VPS13A: variants seen among roughly 807,000 people sequenced by gnomAD.
The protein encoded by VPS13A is vacuolar protein sorting 13 homolog A, also known as intermembrane lipid transfer protein VPS13A.
In VPS13A, 264 loss-of-function variants were observed where a neutral mutation model predicts 390.9. The ratio of observed to expected loss-of-function variants is 0.68; its 90% confidence interval spans 0.61 to 0.75. The LOEUF (loss-of-function observed/expected upper bound fraction) is 0.75, where lower values mean the gene tolerates loss of function less well. Among genes scored for constraint, VPS13A ranks in the 30% least tolerant of loss-of-function variants. The pLI is 0.00. For synonymous variants in VPS13A, 1,231 were observed against 1,227.1 expected (o/e 1.00, Z -0.07); for missense variants, 3,409 against 3,733.9 (o/e 0.91, Z 2.27).
chr9:77,301,693 G>A (rs1828364630), intron 33 of VPS13A, among the ~76,000 whole-genome samples: 1 of 152,160 alleles, frequency 6.6e-6, no homozygotes, highest in Non-Finnish European at 1.5e-5. Flanking sequence ...ATTGTTACTT[G>A]AAGGGGTTCA....
intron 71 of VPS13A, among the ~76,000 whole-genome samples, chr9:77,412,111 C>T (rs1366529552): frequency 2.0e-5 from 3 of 151,952 alleles, no homozygotes; most frequent in Admixed American, 6.6e-5. Flanking sequence ...AATAGCTTAC[C>T]AACCAAAAAA....
At chr9:77,412,154 CTACCAGAGG>C (rs1300869646) in intron 71 of VPS13A, among the ~76,000 whole-genome samples, 1 of 152,186 alleles carries the variant, frequency 6.6e-6, no homozygotes, top group African/African-American at 2.4e-5. Flanking sequence ...CAGCCGAATT[CTACCAGAGG>C]TATAAGGAGG....
chr9:77,374,469 CAG>C (rs1279814364), intron 67 of VPS13A, among the ~76,000 whole-genome samples: 8 of 152,198 alleles, frequency 5.3e-5, no homozygotes, highest in African/African-American at 1.9e-4. Flanking sequence ...ATATGCTGGA[CAG>C]AGGGATGATT....
At chr9:77,330,181 A>G (rs1830211588) in intron 45 of VPS13A, among the ~76,000 whole-genome samples, 1 of 150,208 alleles carries the variant, frequency 6.7e-6, no homozygotes, top group South Asian at 2.1e-4. Context: ...ATACCTGGCT[A>G]ATCTTTTAAT....
At chr9:77,203,283 GGTTT>G (rs976843371) in intron 3 of VPS13A, among the ~76,000 whole-genome samples, 6 of 152,176 alleles carry the variant, frequency 3.9e-5, no homozygotes, top group South Asian at 2.1e-4. Flanking sequence ...AGGAAGAAAA[GGTTT>G]GTTTGTTTGT....
chr9:77,226,679 A>G, intron 15 of VPS13A, 81 bp downstream of exon 15: 1 of 1,363,020 alleles, frequency 7.3e-7, no homozygotes, highest in South Asian at 1.4e-5. Context: ...AATTAAAGTA[A>G]ATAGACATTG....
chr9:77,240,622 G>T (rs914584371), intron 19 of VPS13A, among the ~76,000 whole-genome samples: 1 of 150,364 alleles, frequency 6.7e-6, no homozygotes, highest in African/African-American at 2.4e-5. Flanking sequence ...GGATTACAGG[G>T]GTATGCCACC....
At chr9:77,344,050 T>C (rs1830994262) in intron 50 of VPS13A, 103 bp from the exon 51 acceptor site, 1 of 1,145,152 alleles carries the variant, frequency 8.7e-7, no homozygotes, top group African/African-American at 1.6e-5. Flanking sequence ...TTAAAACAGG[T>C]TTTTTTATAG....
At chr9:77,233,003 G>C (rs1339719715) in intron 17 of VPS13A, among the ~76,000 whole-genome samples, 2 of 152,136 alleles carry the variant, frequency 1.3e-5, no homozygotes, top group African/African-American at 2.4e-5. Flanking sequence ...AAAGTTTATA[G>C]TAAAGTTTTA....
intron 68 of VPS13A, among the ~76,000 whole-genome samples, chr9:77,399,875 C>G (rs1023701800): frequency 7.2e-5 from 11 of 152,156 alleles, no homozygotes; most frequent in African/African-American, 2.7e-4. Flanking sequence ...AATATATGTA[C>G]ATGTATGCAT....
intron 58 of VPS13A, among the ~76,000 whole-genome samples, chr9:77,360,045 CCTGT>C (rs1832055359): frequency 6.6e-6 from 1 of 152,088 alleles, no homozygotes; most frequent in Admixed American, 6.6e-5. Flanking sequence ...GTAATAATCT[CCTGT>C]CTAATTTCCC....
At chr9:77,373,564 A>G (rs922498737) in intron 67 of VPS13A, among the ~76,000 whole-genome samples, 5 of 144,770 alleles carry the variant, frequency 3.5e-5, no homozygotes, top group African/African-American at 1.3e-4. Context: ...ACCATTCAGG[A>G]CATAGGCATG....
In VPS13A at chr9:77,321,171, GA is replaced by G. The variant is rs774702782; in HGVS notation, c.5423del (p.Lys1808ArgfsTer34). On this transcript the variant is annotated frameshift_variant, in exon 43 of 72. Transcript: ENST00000360280. LOFTEE classifies it high-confidence loss of function. The part of the protein sequence containing the change: ...FRPWNLGIKM[K>X]KKAKMAIVES... Reference sequence around the variant, plus strand: ...ATTTCTATGATTTATCATTTTAGATGAAAAAGAAAGCAAAAATGGCCATTGT... The same window carrying G: ...ATTTCTATGATTTATCATTTTAGATGAAAAGAAAGCAAAAATGGCCATTGT... 6.2e-7 allele frequency: 1 copy of G among 1,611,518 alleles called. No individual in the cohort carries two copies. The highest frequency in any genetic ancestry group is 1.1e-5 in the South Asian group (1 of 90,856).
intron 5 of VPS13A, among the ~76,000 whole-genome samples, chr9:77,207,211 T>TA (rs1825685275): frequency 3.1e-5 from 1 of 32,550 alleles, no homozygotes; most frequent in South Asian, 1.4e-3. Flanking sequence ...TTTATTTAGA[T>TA]ATTATATATA....
intron 4 of VPS13A, among the ~76,000 whole-genome samples, chr9:77,205,747 A>G (rs1825604353): frequency 1.3e-5 from 2 of 151,950 alleles, no homozygotes; most frequent in African/African-American, 4.8e-5. Context: ...GCCTGCCACC[A>G]CGCCCAGCTA....
chr9:77,376,156 C>T (rs1833061535), intron 67 of VPS13A, among the ~76,000 whole-genome samples: 1 of 152,116 alleles, frequency 6.6e-6, no homozygotes, highest in South Asian at 2.1e-4. Flanking sequence ...TTAAAAAGCC[C>T]TGATGCAAGA....
chr9:77,339,602 A>G lies in VPS13A; in HGVS notation c.6465A>G (p.Leu2155=). 2 of 1,611,000 alleles carry G rather than the reference A, an allele frequency of 1.2e-6. No homozygotes were observed. The highest frequency in any genetic ancestry group is 1.7e-6 in the Non-Finnish European group (2 of 1,178,222). Residue 2155 remains leucine (L), a synonymous_variant, in exon 48 of 72, where the codon TTA becomes TTG. Transcript: ENST00000360280. ...AGTTGGGTAAAGCCAGGCTACATTT[A>G]AAATTACTTGACTATCTCAATCACG... ...TAQLGKARLH[L]KLLDYLNHDW... is the part of the protein sequence containing the mutation.
chr9:77,378,693 T>C (rs1833247999), intron 67 of VPS13A, among the ~76,000 whole-genome samples: 1 of 151,988 alleles, frequency 6.6e-6, no homozygotes, highest in Non-Finnish European at 1.5e-5. Flanking sequence ...TCTATTTCTT[T>C]TATCTCTGCT....
At chr9:77,295,486 A>G in intron 32 of VPS13A, 56 bp from the exon 33 acceptor site, 1 of 1,395,956 alleles carries the variant, frequency 7.2e-7, no homozygotes, top group South Asian at 1.5e-5. Context: ...ATCAATATAT[A>G]TTTAATAAGT....
Sources: allele counts gnomAD v4.1 joint callset (sites outside exome capture counted in the v4.1 genomes callset), GRCh38; gene constraint gnomAD v4.1.1; transcripts MANE v1.5; gene names NCBI Gene and HGNC (gene_info 2026-07-23, HGNC 2026-07-21).